The following OSBPL10 variants were observed in gnomAD, a reference collection of about 807,000 sequenced individuals.
OSBPL10 encodes oxysterol binding protein like 10, also known as oxysterol-binding protein-related protein 10.
In OSBPL10, 49 loss-of-function variants were observed where a neutral mutation model predicts 81.7. The observed-to-expected ratio is 0.60, with a 90% CI of 0.48 to 0.76. The LOEUF (loss-of-function observed/expected upper bound fraction) is 0.76. Ranked by LOEUF, OSBPL10 falls within the 30% of genes least tolerant of loss-of-function variation. OSBPL10 has a pLI of 0.00. For missense variants in OSBPL10, 923 were observed against 987.8 expected, an observed-to-expected ratio of 0.93 and a Z score of 0.88; for synonymous variants, 419 against 383.6, an observed-to-expected ratio of 1.09 and a Z score of -1.08.
rs979570471 is a variant in OSBPL10, at chr3:31,998,720, T to C, written n.298+47771A>G. Reference sequence around the variant, plus strand: ...CTGCTCATACTGAGAACTCCGCCCTTTCCCTTTCTAGCTGTAGTCTCCTAT... The same window carrying C: ...CTGCTCATACTGAGAACTCCGCCCTCTCCCTTTCTAGCTGTAGTCTCCTAT... On this transcript the variant is annotated intron_variant and non_coding_transcript_variant, in intron 2 of 3. Transcript: ENST00000479173. 1.1e-4 allele frequency among the ~76,000 whole-genome samples: 17 copies of C among 152,326 alleles called. No individual in the cohort carries two copies. The East Asian group carries it at 3.3e-3, about 29-fold the overall frequency.
chr3:31,772,866 C>G (rs372885124), intron 4 of OSBPL10, among the ~76,000 whole-genome samples: 79 of 152,262 alleles, frequency 5.2e-4, no homozygotes, highest in Middle Eastern at 3.4e-3. Flanking sequence ...AATTCTTTCT[C>G]AGATTCTTGA....
chr3:31,723,293 T>A (rs913937933), intron 6 of OSBPL10, among the ~76,000 whole-genome samples: 1 of 152,150 alleles, frequency 6.6e-6, no homozygotes, highest in East Asian at 1.9e-4. Flanking sequence ...GAGCACCGCA[T>A]GACACCCAAC....
chr3:31,960,862 CTTTAATCCTT>C (rs1226459423), intron 1 of OSBPL10, among the ~76,000 whole-genome samples: 2 of 152,106 alleles, frequency 1.3e-5, no homozygotes, highest in African/African-American at 2.4e-5. Flanking sequence ...TCTTTATCCT[CTTTAATCCTT>C]ATTCCTCCTT....
rs1559502481 is a variant in OSBPL10 at position 31,878,814 on chromosome 3, C to CGTGT, written c.457+840_457+841insACAC. Among the ~76,000 whole-genome samples, 309 of 104,820 alleles carry CGTGT rather than the reference C, an allele frequency of 2.9e-3. 1 individual carries two copies. Among genetic ancestry groups the CGTGT allele is most frequent in the South Asian group, 7.9e-3 (22 of 2,798 alleles). The allele number at this position is 104,820 out of a possible 152,430, so 68.8% of individuals were successfully genotyped here. On this transcript the variant is annotated intron_variant, in intron 2 of 11. Coordinates refer to ENST00000396556, the MANE Select transcript of OSBPL10 (RefSeq NM_017784.5). ...ATAAATAATATAGACTCTGCGTGTC[C>CGTGT]ATGTGTGTGTGTGTGTGTGTGTGTG...
At position 31,910,225 on chromosome 3, in the gene OSBPL10, C is replaced by T. The variant is rs371311256; in HGVS notation, c.282-30395G>A. Among the ~76,000 whole-genome samples the T allele has an allele frequency of 3.3e-3, 499 of 151,804 alleles. 1 individual carries two copies. The highest frequency in any genetic ancestry group is 0.011 in the African/African-American group (451 of 41,412). ...CGATCTCTTTACCTTGTGATCTGCCCGCCTCAGCCTCCCAAAGTGCTGGGA... is the reference window on the plus strand; with the variant it reads ...CGATCTCTTTACCTTGTGATCTGCCTGCCTCAGCCTCCCAAAGTGCTGGGA... On this transcript the variant is annotated intron_variant, in intron 1 of 11. Transcript: ENST00000396556.
chr3:31,743,213 G>A (rs1195806442), intron 5 of OSBPL10, among the ~76,000 whole-genome samples: 3 of 151,726 alleles, frequency 2.0e-5, no homozygotes, highest in African/African-American at 7.3e-5. Flanking sequence ...GATAATTTTT[G>A]TATCTTTAGT....
chr3:32,054,494 A>G (rs905775425), intron 1 of OSBPL10, among the ~76,000 whole-genome samples: 1 of 150,282 alleles, frequency 6.7e-6, no homozygotes, highest in African/African-American at 2.4e-5. Context: ...TGTATGCCAC[A>G]GAAGTAACCA....
rs79379133 is a variant in OSBPL10 at position 31,688,017 on chromosome 3, T to C, written c.1246-3903A>G. On this transcript the variant is annotated intron_variant, in intron 7 of 11. Coordinates refer to ENST00000396556, the MANE Select transcript of OSBPL10 (RefSeq NM_017784.5). Reference sequence around the variant, plus strand: ...TAGGGCCATTTCACTCTTCCCAACATAGCAAGAAAATCCACCATTCCAAAC... The same window carrying C: ...TAGGGCCATTTCACTCTTCCCAACACAGCAAGAAAATCCACCATTCCAAAC... Among the ~76,000 whole-genome samples, 836 of 151,984 alleles carry C rather than the reference T, an allele frequency of 5.5e-3. 8 individuals are homozygous for C. Among genetic ancestry groups the C allele is most frequent in the East Asian group, 0.029 (152 of 5,172 alleles).
At chr3:31,775,966 G>A (rs1356018680) in intron 4 of OSBPL10, among the ~76,000 whole-genome samples, 1 of 152,110 alleles carries the variant, frequency 6.6e-6, no homozygotes, top group Non-Finnish European at 1.5e-5. Flanking sequence ...CACAATGAAA[G>A]GGTCTCAGGA....
intron 4 of OSBPL10, among the ~76,000 whole-genome samples, chr3:31,758,487 C>T (rs905512453): frequency 1.3e-5 from 2 of 152,186 alleles, no homozygotes; most frequent in African/African-American, 2.4e-5. Context: ...TAAACAGAAA[C>T]CAGCCCTTTC....
In OSBPL10 at chr3:31,980,948, C is replaced by G. The variant is rs774412848; in HGVS notation, c.232G>C (p.Glu78Gln). Residue 78 changes from glutamate (E) to glutamine (Q), a missense_variant, in exon 1 of 12, where the codon GAG becomes CAG. Around this residue, in one of 3 missense-constraint regions of OSBPL10, gnomAD observed 514 missense variants for 508.0 expected, o/e 1.01. Transcript: ENST00000396556. ...TTGGTGTATTTGCTGAGCACGCCCT[C>G]GAGCGCCGGCTCCCTCCTGCGGCCG... Reference protein sequence around the residue: ...GGGRRREPALEGVLSKYTNLL... With the variant: ...GGGRRREPALQGVLSKYTNLL... 1.3e-6 allele frequency: 2 copies of G among 1,577,854 alleles called. No individual in the cohort carries two copies. Among genetic ancestry groups the G allele is most frequent in the Non-Finnish European group, 1.7e-6 (2 of 1,165,918 alleles).
At chr3:31,886,710 G>T (rs1333259063) in intron 1 of OSBPL10, among the ~76,000 whole-genome samples, 1 of 152,212 alleles carries the variant, frequency 6.6e-6, no homozygotes, top group African/African-American at 2.4e-5. Context: ...GGGAGGCTGA[G>T]GCGGGCGGAT....
chr3:31,683,807 T>C lies in OSBPL10; in HGVS notation c.1553A>G (p.Asp518Gly). ...PASCHEHPMADDPSKSYKLRF... is the reference protein window; with the variant it reads ...PASCHEHPMAGDPSKSYKLRF... ...TAGTTTGTAGCTTTTGGAAGGGTCA[T>C]CGGCCATTGGGTGTTCGTGACAGCT... The change falls in exon 8 of 12, where the codon GAT (aspartate) becomes GGT (glycine). Residue 518 changes from aspartate (D) to glycine (G), a missense_variant. Physicochemically the swap from Asp to Gly is moderately conservative, Grantham distance 94 (BLOSUM62 -1). Transcript: ENST00000396556. 6.2e-7 allele frequency: 1 copy of C among 1,614,222 alleles called. No homozygotes were observed. The highest frequency in any genetic ancestry group is 8.5e-7 in the Non-Finnish European group (1 of 1,180,050).
intron 3 of OSBPL10, among the ~76,000 whole-genome samples, chr3:31,857,290 T>G (rs7624824): frequency 0.75 from 113,633 of 152,094 alleles, 42,813 homozygotes; most frequent in East Asian, 0.89. Context: ...GCAGCTCCCC[T>G]CAAAGAGCAT....
intron 2 of OSBPL10, among the ~76,000 whole-genome samples, chr3:32,044,936 A>G (rs1699609159): frequency 6.6e-6 from 1 of 152,134 alleles, no homozygotes; most frequent in African/African-American, 2.4e-5. Context: ...TTGATTTTTG[A>G]GGGCAAACTA....
chr3:32,048,324 T>G (rs1379071786), intron 1 of OSBPL10, among the ~76,000 whole-genome samples: 1 of 151,500 alleles, frequency 6.6e-6, no homozygotes, highest in Non-Finnish European at 1.5e-5. Flanking sequence ...TTTTTTTTTT[T>G]TTTTGAGACA....
At chr3:32,070,454 C>T (rs1480811113) in intron 1 of OSBPL10, among the ~76,000 whole-genome samples, 2 of 152,160 alleles carry the variant, frequency 1.3e-5, no homozygotes, top group Non-Finnish European at 2.9e-5. Context: ...AACCCAAAGC[C>T]TCCTTCGTGT....
intron 1 of OSBPL10, among the ~76,000 whole-genome samples, chr3:31,901,428 C>T (rs1228498452): frequency 1.3e-5 from 2 of 152,190 alleles, no homozygotes; most frequent in African/African-American, 2.4e-5. Context: ...TTTCCTGCCT[C>T]AGAACACTCA....
intron 4 of OSBPL10, among the ~76,000 whole-genome samples, chr3:31,786,195 GA>G (rs1698854834): frequency 6.6e-6 from 1 of 152,176 alleles, no homozygotes; most frequent in Non-Finnish European, 1.5e-5. Flanking sequence ...ATAGAACGGG[GA>G]AATTGGTCTC....
Sources: gnomAD v4.1 joint callset for allele counts (sites outside exome capture counted in the v4.1 genomes callset) on GRCh38, gnomAD v4.1.1 for gene constraint, gnomAD v4.1.1 regional missense constraint, MANE v1.5 for transcripts, NCBI Gene and HGNC (gene_info 2026-07-23, HGNC 2026-07-21) for gene names.